The following LILRB1 variants were observed in gnomAD, a reference collection of about 807,000 sequenced individuals.
The protein encoded by LILRB1 is leukocyte immunoglobulin-like receptor subfamily B member 1.
Under a neutral mutation model 74.6 loss-of-function variants are expected in LILRB1, and 59 were observed. The ratio of observed to expected loss-of-function variants is 0.79; its 90% CI spans 0.64 to 0.98. The LOEUF (loss-of-function observed/expected upper bound fraction) is 0.98, where lower values mean the gene tolerates loss of function less well. Ranked by LOEUF, LILRB1 falls within the 50% of genes least tolerant of loss-of-function variation. The pLI is 0.00. For synonymous variants in LILRB1, 328 were observed against 333.9 expected (o/e 0.98, Z 0.19); for missense variants, 804 against 822.6 (o/e 0.98, Z 0.28).
intron 1 of LILRB1, among the ~76,000 whole-genome samples, chr19:54,619,958 T>TG (rs2063411515): frequency 6.6e-6 from 1 of 151,620 alleles, no homozygotes; most frequent in Non-Finnish European, 1.5e-5. Flanking sequence ...AACCTCGTTT[T>TG]TTTTTTTTCA....
At chr19:54,628,315 T>G (rs776479840), upstream of LILRB1, among the ~76,000 whole-genome samples, 1 of 152,200 alleles carries the variant, frequency 6.6e-6, no homozygotes, top group Non-Finnish European at 1.5e-5. Context: ...GTACATTGAT[T>G]TATTTATCAC....
chr19:54,634,696 G>T lies in LILRB1; in HGVS notation c.1419G>T (p.Leu473=), dbSNP rs891532941. The T allele has an allele frequency of 6.3e-6, 10 of 1,577,734 alleles. No individual in the cohort carries two copies. The Admixed American group carries it at 1.5e-4, about 24-fold the overall frequency. Residue 473 remains leucine (L), a synonymous_variant, in exon 10 of 15, where the codon CTG becomes CTT. Transcript: ENST00000324602. The part of the protein sequence containing the change: ...VIGILVAVIL[L]LLLLLLLFLI... Reference sequence around the variant, plus strand: ...GCATCTTGGTGGCCGTCATCCTACTGCTCCTCCTCCTCCTCCTCCTCTTCC... The same window carrying T: ...GCATCTTGGTGGCCGTCATCCTACTTCTCCTCCTCCTCCTCCTCCTCTTCC...
chr19:54,636,643 G>A lies in LILRB1; in HGVS notation c.1803G>A (p.Met601Ile). 1 of 1,610,940 alleles carries A rather than the reference G, an allele frequency of 6.2e-7. No homozygotes were observed. The highest frequency in any genetic ancestry group is 8.5e-7 in the Non-Finnish European group (1 of 1,179,032). Residue 601 changes from methionine to isoleucine, a missense_variant, in exon 14 of 15, where the codon ATG (methionine) becomes ATA (isoleucine). Transcript: ENST00000324602. Reference protein sequence around the residue: ...KDRQAEEDRQMDTEAAASEAP... With the variant: ...KDRQAEEDRQIDTEAAASEAP... ...GACAGGCGGAAGAGGACAGGCAGAT[G>A]GACACTGAGGTGAGTCCTTTCCTCT...
upstream of LILRB1, among the ~76,000 whole-genome samples, chr19:54,616,581 C>G (rs2063318043): frequency 6.6e-6 from 1 of 152,146 alleles, no homozygotes; most frequent in Non-Finnish European, 1.5e-5. Context: ...CCCCGACCTC[C>G]CTTTGGTTGA....
intron 1 of LILRB1, among the ~76,000 whole-genome samples, chr19:54,622,720 T>A (rs1004187508): frequency 2.6e-5 from 4 of 152,054 alleles, no homozygotes; most frequent in Admixed American, 2.6e-4. Flanking sequence ...TGAATAGGAG[T>A]GGTGAGAGTG....
rs746540786 is a variant in LILRB1, at chr19:54,636,563, G to A, written c.1723G>A (p.Glu575Lys). The A allele has an allele frequency of 2.5e-6, 4 of 1,611,474 alleles. No homozygotes were observed. The highest frequency in any genetic ancestry group is 3.4e-6 in the Non-Finnish European group (4 of 1,179,788). ...GGTGAAACACTCCAGACCTAGGAGA[G>A]AAATGGCCTCTCCTCCTTCCCCACT... Reference protein sequence around the residue: ...AEVKHSRPRREMASPPSPLSG... With the variant: ...AEVKHSRPRRKMASPPSPLSG... The change falls in exon 14 of 15, where the codon GAA (glutamate) becomes AAA (lysine). Residue 575 changes from glutamate (E) to lysine (K), a missense_variant. By Grantham distance (56) the Glu-to-Lys change is moderately conservative. Transcript: ENST00000324602.
At chr19:54,636,244 A>G in intron 13 of LILRB1, 1 of 714,144 alleles carries the variant, frequency 1.4e-6, no homozygotes, top group South Asian at 1.9e-5. Context: ...ACAACCCTGC[A>G]AAGGCCCCCA....
rs368632123 is a variant in LILRB1, at chr19:54,634,060, A to C, written c.1363+39A>C. 1.5e-3 allele frequency: 2,369 copies of C among 1,562,590 alleles called. 36 individuals carry two copies. The African/African-American group carries it at 0.027, about 18-fold the overall frequency. ...TCTGAGTGGGAGGTGGGCAGGGTCC[A>C]GGGGAGGCAGGGGTGGGTTCTGTCC... On this transcript the variant is annotated intron_variant, in intron 9 of 14. Coordinates refer to ENST00000324602, the MANE Select transcript of LILRB1 (RefSeq NM_001081637.3).
Position 54,636,939 on chromosome 19 carries a change from C to A in LILRB1, c.*61C>A, listed in dbSNP as rs8101262. 0.11 allele frequency: 170,477 copies of A among 1,602,570 alleles called. 9,851 individuals are homozygous for A. The highest frequency in any genetic ancestry group is 0.18 in the African/African-American group (13,489 of 74,808). Reference sequence around the variant, plus strand: ...TCTGGAATGCATGGGAGCTGCCCCCCCAGTGGACACCATTGGACCCCACCC... The same window carrying A: ...TCTGGAATGCATGGGAGCTGCCCCCACAGTGGACACCATTGGACCCCACCC... On this transcript the variant is annotated 3_prime_UTR_variant, in exon 15 of 15. Coordinates refer to ENST00000324602, the MANE Select transcript of LILRB1 (RefSeq NM_001081637.3).
chr19:54,636,393 G>C, intron 13 of LILRB1, 101 bp from the exon 14 acceptor site: 1 of 1,542,192 alleles, frequency 6.5e-7, no homozygotes, highest in Non-Finnish European at 8.8e-7. Flanking sequence ...AGATTCCATC[G>C]GGAAAGGGAT....
In LILRB1 at chr19:54,637,078, C is replaced by A; in HGVS notation, c.*200C>A. 1 of 602,486 alleles carries A rather than the reference C, an allele frequency of 1.7e-6. No individual in the cohort carries two copies. Among genetic ancestry groups the A allele is most frequent in the Non-Finnish European group, 2.8e-6 (1 of 353,540 alleles). 37.3% of individuals were successfully genotyped at this position (602,486 alleles called of 1,614,324 possible). ...ATAAAGCAACAGACTTCTCAATAAT[C>A]AATGAAGTAGCTGAGAAAACTAAGT... On this transcript the variant is annotated 3_prime_UTR_variant, in exon 15 of 15. Coordinates refer to ENST00000324602, the MANE Select transcript of LILRB1 (RefSeq NM_001081637.3).
Position 54,632,134 on chromosome 19 carries a change from C to T in LILRB1, c.558C>T (p.Pro186=), listed in dbSNP as rs771434239. The T allele has an allele frequency of 6.8e-5, 109 of 1,614,174 alleles. No homozygotes were observed. Among genetic ancestry groups the T allele is most frequent in the Admixed American group, 1.2e-4 (7 of 60,024 alleles). The change falls in exon 5 of 15, where the codon CCC becomes CCT. Residue 186 remains proline (P), a synonymous_variant. Coordinates refer to ENST00000324602, the MANE Select transcript of LILRB1 (RefSeq NM_001081637.3). The stretch of plus-strand genomic sequence containing the variant: ...CCCGCGCCATCTTCTCCGTGGGCCC[C>T]GTGAGCCCGAGTCGCAGGTGGTGGT... The part of the protein sequence containing the change: ...GSSRAIFSVG[P]VSPSRRWWYR...
upstream of LILRB1, among the ~76,000 whole-genome samples, chr19:54,629,431 G>T (rs897296173): frequency 6.6e-6 from 1 of 152,220 alleles, no homozygotes. Flanking sequence ...CTGCTATGTG[G>T]AAGCACATCC....
chr19:54,617,350 G>A lies in LILRB1; in HGVS notation c.-166+1G>A, dbSNP rs1259825909. ...GGTCTTTGTGCACATTTACATCAAG[G>A]TAAGAGAGCCCTAATGGCGGCTTGC... On this transcript the variant is annotated splice_donor_variant, in intron 1 of 15. Coordinates refer to the LILRB1 transcript ENST00000396331. LOFTEE classifies it low-confidence loss of function (5UTR_SPLICE). 1 of 152,146 alleles carries A rather than the reference G, an allele frequency of 6.6e-6. No individual in the cohort carries two copies. Among genetic ancestry groups the A allele is most frequent in the African/African-American group, 2.4e-5 (1 of 41,418 alleles). 9.4% of individuals were successfully genotyped at this position (152,146 alleles called of 1,614,324 possible). A position where few individuals can be genotyped will look rare whatever the true frequency, so the allele number is the denominator to read the frequency against.
intron 8 of LILRB1, 111 bp downstream of exon 8, chr19:54,633,799 C>G (rs2146278122): frequency 6.8e-7 from 1 of 1,465,900 alleles, no homozygotes; most frequent in Non-Finnish European, 9.2e-7. Context: ...CTCCAGGGAG[C>G]CGGGCAGAGC....
In LILRB1 at chr19:54,637,859, C is replaced by T. The variant is rs1234066474; in HGVS notation, c.*981C>T. On this transcript the variant is annotated 3_prime_UTR_variant, in exon 15 of 15. Transcript: ENST00000324602. ...CAGGCGGCAAACCTATGCCAATATACTAGAAATTGCAGATTAAATAGATGA... is the reference window on the plus strand; with the variant it reads ...CAGGCGGCAAACCTATGCCAATATATTAGAAATTGCAGATTAAATAGATGA... Among the ~76,000 whole-genome samples, 1 of 152,154 alleles carries T rather than the reference C, an allele frequency of 6.6e-6. No individual in the cohort carries two copies. The highest frequency in any genetic ancestry group is 1.5e-5 in the Non-Finnish European group (1 of 68,034).
upstream of LILRB1, chr19:54,630,445 G>A: frequency 2.8e-6 from 1 of 352,206 alleles, no homozygotes; most frequent in Non-Finnish European, 5.7e-6. Flanking sequence ...CCACAATCCA[G>A]TGTCAAGAAA....
At chr19:54,627,069 C>G (rs1012364114), upstream of LILRB1, among the ~76,000 whole-genome samples, 30 of 152,182 alleles carry the variant, frequency 2.0e-4, no homozygotes, top group African/African-American at 7.0e-4. Flanking sequence ...AACAGTCTCT[C>G]TAGGGTCCCA....
intron 14 of LILRB1, 37 bp from the exon 15 acceptor site, chr19:54,636,695 C>G (rs768540665): frequency 1.2e-6 from 2 of 1,607,610 alleles, no homozygotes; most frequent in Non-Finnish European, 1.7e-6. Flanking sequence ...CCCCCACCCC[C>G]ACCACGTTCC....
Sources: gnomAD v4.1 joint callset for allele counts (sites outside exome capture counted in the v4.1 genomes callset) on GRCh38, gnomAD v4.1.1 for gene constraint, MANE v1.5 for transcripts, NCBI Gene and HGNC (gene_info 2026-07-23, HGNC 2026-07-21) for gene names.